B3GAT2: variants seen among roughly 807,000 people sequenced by gnomAD.
The protein encoded by B3GAT2 is beta-1,3-glucuronyltransferase 2, also known as galactosylgalactosylxylosylprotein 3-beta-glucuronosyltransferase 2.
In B3GAT2, 26 loss-of-function variants were observed where a neutral mutation model predicts 27.8. The ratio of observed to expected loss-of-function variants is 0.93; its 90% CI spans 0.68 to 1.30. The LOEUF is 1.30. Among genes scored for constraint, B3GAT2 ranks in the 50% most tolerant of loss-of-function variants. The pLI is 0.00. For synonymous variants in B3GAT2, 218 were observed against 195.1 expected (o/e 1.12, Z -0.98); for missense variants, 458 against 459.0 (o/e 1.00, Z 0.02).
intron 1 of B3GAT2, among the ~76,000 whole-genome samples, chr6:70,926,260 C>G (rs570434537): frequency 5.9e-5 from 9 of 152,112 alleles, no homozygotes; most frequent in Non-Finnish European, 1.0e-4. Flanking sequence ...AAAATCAGAG[C>G]GACTCTTCTC....
chr6:70,950,034 T>C lies in B3GAT2; in HGVS notation c.591+5805A>G, dbSNP rs1765554040. ...ACACATGGACACAGGAAGGGGAACA[T>C]CACACTCTGGGGACTGTTGTGGGGT... On this transcript the variant is annotated intron_variant, in intron 1 of 3. Coordinates refer to ENST00000230053, the MANE Select transcript of B3GAT2 (RefSeq NM_080742.3). Among the ~76,000 whole-genome samples, 3 of 138,122 alleles carry C rather than the reference T, an allele frequency of 2.2e-5. No homozygotes were observed. The Admixed American group carries it at 2.3e-4, about 10-fold the overall frequency. The allele number at this position is 138,122 out of a possible 152,430, so 90.6% of individuals were successfully genotyped here.
At chr6:70,954,741 T>G (rs1326677521) in intron 1 of B3GAT2, among the ~76,000 whole-genome samples, 1 of 152,194 alleles carries the variant, frequency 6.6e-6, no homozygotes, top group African/African-American at 2.4e-5. Flanking sequence ...GGCAACAGTC[T>G]CACAGGGCGT....
Position 70,860,389 on chromosome 6 carries a change from G to T in B3GAT2, c.*1274C>A. 1.3e-6 allele frequency: 2 copies of T among 1,561,676 alleles called. No homozygotes were observed. The highest frequency in any genetic ancestry group is 1.2e-5 in the South Asian group (1 of 81,732). ...ACCACCTGACATTCCTTGCTGAAAC[G>T]CATCTAGTTCCCCTGTTTATTCATA... On this transcript the variant is annotated 3_prime_UTR_variant, in exon 4 of 4. Coordinates refer to ENST00000230053, the MANE Select transcript of B3GAT2 (RefSeq NM_080742.3).
At chr6:70,882,223 T>C (rs1038705276) in intron 2 of B3GAT2, among the ~76,000 whole-genome samples, 1 of 152,146 alleles carries the variant, frequency 6.6e-6, no homozygotes, top group Admixed American at 6.5e-5. Context: ...ATAGGTACGC[T>C]GGGTGTGGTG....
At chr6:70,944,184 T>A (rs945839278) in intron 1 of B3GAT2, among the ~76,000 whole-genome samples, 16 of 152,086 alleles carry the variant, frequency 1.1e-4, no homozygotes, top group Admixed American at 2.6e-4. Flanking sequence ...CCATCTGAGG[T>A]ACCGGGTTCA....
chr6:70,860,354 A>G lies in B3GAT2; in HGVS notation c.*1309T>C. Reference sequence around the variant, plus strand: ...AAATGAAAACTGCAATACAAGTTTCATCCAGAACTACCACCTGACATTCCT... The same window carrying G: ...AAATGAAAACTGCAATACAAGTTTCGTCCAGAACTACCACCTGACATTCCT... On this transcript the variant is annotated 3_prime_UTR_variant, in exon 4 of 4. Coordinates refer to ENST00000230053, the MANE Select transcript of B3GAT2 (RefSeq NM_080742.3). 2 of 1,596,340 alleles carry G rather than the reference A, an allele frequency of 1.3e-6. No homozygotes were observed. Among genetic ancestry groups the G allele is most frequent in the Non-Finnish European group, 1.7e-6 (2 of 1,171,878 alleles).
At chr6:70,941,725 C>T (rs185798133) in intron 1 of B3GAT2, among the ~76,000 whole-genome samples, 2 of 152,140 alleles carry the variant, frequency 1.3e-5, no homozygotes, top group East Asian at 3.8e-4. Context: ...AATCTCTGTG[C>T]AGGACTCCTT....
chr6:70,886,872 C>A (rs59073033), intron 2 of B3GAT2, among the ~76,000 whole-genome samples: 1 of 152,272 alleles, frequency 6.6e-6, no homozygotes, highest in African/African-American at 2.4e-5. Flanking sequence ...GCCACCTGTC[C>A]CTGTGGTTCT....
chr6:70,859,439 T>C lies in B3GAT2; in HGVS notation c.*2224A>G. The C allele has an allele frequency of 6.9e-7, 1 of 1,444,250 alleles. No individual in the cohort carries two copies. The highest frequency in any genetic ancestry group is 9.5e-7 in the Non-Finnish European group (1 of 1,055,736). 89.5% of individuals were successfully genotyped at this position (1,444,250 alleles called of 1,614,324 possible). On this transcript the variant is annotated 3_prime_UTR_variant, in exon 4 of 4. Transcript: ENST00000230053. Reference sequence around the variant, plus strand: ...TAGGTATGAAGACGTGATCTGCTTCTTCAGACACTTATGCCTGATTAGTGA... The same window carrying C: ...TAGGTATGAAGACGTGATCTGCTTCCTCAGACACTTATGCCTGATTAGTGA...
chr6:70,902,540 T>G (rs1339380464), intron 1 of B3GAT2, among the ~76,000 whole-genome samples: 1 of 151,346 alleles, frequency 6.6e-6, no homozygotes, highest in Non-Finnish European at 1.5e-5. Context: ...CCATGTTTAT[T>G]GCAGCACTAT....
intron 1 of B3GAT2, among the ~76,000 whole-genome samples, chr6:70,927,243 C>T (rs969552714): frequency 4.6e-5 from 7 of 152,146 alleles, no homozygotes; most frequent in South Asian, 2.1e-4. Context: ...TAAAGACCAT[C>T]GATGCTATGA....
rs1765663992 is a variant in B3GAT2, at chr6:70,956,702, G to A, written c.-273C>T. 9 of 1,317,492 alleles carry A rather than the reference G, an allele frequency of 6.8e-6. No individual in the cohort carries two copies. Among genetic ancestry groups the A allele is most frequent in the Non-Finnish European group, 8.7e-6 (9 of 1,032,820 alleles). The allele number at this position is 1,317,492 out of a possible 1,614,324, so 81.6% of individuals were successfully genotyped here. A position where few individuals can be genotyped will look rare whatever the true frequency, so the allele number is the denominator to read the frequency against. ...GGTGAGCTGGCGGGAAGCGGGACTC[G>A]GTCCAGCCGCGCGCCGCCGGTCCCG... On this transcript the variant is annotated 5_prime_UTR_variant, in exon 1 of 4. Transcript: ENST00000230053.
intron 1 of B3GAT2, among the ~76,000 whole-genome samples, chr6:70,908,979 C>A (rs36036064): frequency 0.019 from 2,896 of 152,196 alleles, 46 homozygotes; most frequent in Non-Finnish European, 0.026. Context: ...AAAAACTTTT[C>A]CTAGAACAGT....
rs572417765 is a variant in B3GAT2 at position 70,874,111 on chromosome 6, T to G, written c.737-12133A>C. On this transcript the variant is annotated intron_variant, in intron 2 of 3. Coordinates refer to ENST00000230053, the MANE Select transcript of B3GAT2 (RefSeq NM_080742.3). ...TTTTTGTGTATTGGTCATGCTTTCTTGTTTATTTGCATGTCTTGTACTCTT... is the reference window on the plus strand; with the variant it reads ...TTTTTGTGTATTGGTCATGCTTTCTGGTTTATTTGCATGTCTTGTACTCTT... Among the ~76,000 whole-genome samples the G allele has an allele frequency of 3.5e-4, 54 of 152,344 alleles. 1 individual carries two copies. The highest frequency in any genetic ancestry group is 3.4e-3 in the Middle Eastern group (1 of 294).
Position 70,918,214 on chromosome 6 carries a change from C to A in B3GAT2, c.592-23942G>T, listed in dbSNP as rs111938200. 9.3e-3 allele frequency among the ~76,000 whole-genome samples: 1,412 copies of A among 152,134 alleles called. 11 individuals are homozygous for A. The highest frequency in any genetic ancestry group is 0.048 in the Middle Eastern group (14 of 294). ...CTTTAAAGTCTGTTTCATCAGAGAC[C>A]AGGATGGCAAACCCTTTTTTTTGCT... On this transcript the variant is annotated intron_variant, in intron 1 of 3. Transcript: ENST00000230053.
chr6:70,892,084 ACTTTATTC>A (rs1772299143), intron 2 of B3GAT2, among the ~76,000 whole-genome samples: 10 of 152,240 alleles, frequency 6.6e-5, no homozygotes, highest in Non-Finnish European at 1.2e-4. Context: ...CCTTAGAGAC[ACTTTATTC>A]CTATTTTAAA....
intron 1 of B3GAT2, among the ~76,000 whole-genome samples, chr6:70,949,911 G>A (rs1226451159): frequency 6.6e-6 from 1 of 152,018 alleles, no homozygotes; most frequent in African/African-American, 2.4e-5. Flanking sequence ...GCAGGGACAT[G>A]GATGAAATTG....
intron 1 of B3GAT2, among the ~76,000 whole-genome samples, chr6:70,930,541 C>A (rs1261058647): frequency 1.3e-5 from 2 of 152,162 alleles, no homozygotes; most frequent in African/African-American, 4.8e-5. Flanking sequence ...AGGATATGAA[C>A]AGACACTTCT....
intron 1 of B3GAT2, among the ~76,000 whole-genome samples, chr6:70,911,883 G>A (rs967823994): frequency 5.9e-5 from 9 of 152,024 alleles, no homozygotes; most frequent in African/African-American, 1.4e-4. Flanking sequence ...AGCTGTATGC[G>A]TAGGTATTTT....
Sources: gnomAD v4.1 joint callset for allele counts (sites outside exome capture counted in the v4.1 genomes callset) on GRCh38, gnomAD v4.1.1 for gene constraint, MANE v1.5 for transcripts, NCBI Gene and HGNC (gene_info 2026-07-23, HGNC 2026-07-21) for gene names.